AXIN1: variants seen among roughly 807,000 people sequenced by gnomAD.
The protein encoded by AXIN1 is axin 1.
Under a neutral mutation model 76.4 loss-of-function variants are expected in AXIN1, and 30 were observed. The ratio of observed to expected loss-of-function variants is 0.39; its 90% CI spans 0.29 to 0.53. The LOEUF is 0.53. AXIN1 is among the 20% of genes least tolerant of loss of function. AXIN1 has a pLI of 0.66. For missense variants in AXIN1, 1,140 were observed against 1,198.8 expected (o/e 0.95, Z 0.72); for synonymous variants, 545 against 501.4 (o/e 1.09, Z -1.16).
intron 2 of AXIN1, among the ~76,000 whole-genome samples, chr16:326,368 A>ATATATATATATAT (rs1555483785): frequency 2.2e-5 from 2 of 90,430 alleles, no homozygotes; most frequent in Non-Finnish European, 2.1e-5. Context: ...AAAAAAAAAA[A>ATATATATATATAT]AAAAATATAT....
chr16:345,138 G>T lies in AXIN1; in HGVS notation c.878+1010C>A, dbSNP rs535716365. On this transcript the variant is annotated intron_variant, in intron 2 of 10. Transcript: ENST00000262320. ...TCCAGGAACCACGCAGGGATCACAG[G>T]GAAGGAAGAACGAAGAAACAGGTTC... Among the ~76,000 whole-genome samples, 12 of 152,010 alleles carry T rather than the reference G, an allele frequency of 7.9e-5. No individual in the cohort carries two copies. In the South Asian group the frequency reaches 2.5e-3, roughly 31 times the overall value.
intron 2 of AXIN1, among the ~76,000 whole-genome samples, chr16:324,504 C>A (rs919355404): frequency 1.3e-5 from 2 of 152,214 alleles, no homozygotes; most frequent in African/African-American, 4.8e-5. Context: ...ACCAACCCGC[C>A]CAGTGTCCCG....
chr16:308,494 C>A (rs1050945641), intron 4 of AXIN1, among the ~76,000 whole-genome samples: 10 of 152,254 alleles, frequency 6.6e-5, no homozygotes, highest in Non-Finnish European at 1.3e-4. Context: ...CTCCCGCGGG[C>A]CTCAGCCCAC....
At chr16:322,911 G>A (rs552803579) in intron 2 of AXIN1, among the ~76,000 whole-genome samples, 2 of 152,354 alleles carry the variant, frequency 1.3e-5, no homozygotes, top group African/African-American at 4.8e-5. Context: ...GCTCTGGTCT[G>A]CAGTCATGTC....
chr16:322,247 G>C (rs2053475442), intron 2 of AXIN1, among the ~76,000 whole-genome samples: 1 of 152,202 alleles, frequency 6.6e-6, no homozygotes, highest in Non-Finnish European at 1.5e-5. Flanking sequence ...TCCAGGAGGA[G>C]GTGACCGAGG....
intron 3 of AXIN1, among the ~76,000 whole-genome samples, chr16:313,611 T>C (rs2053233070): frequency 6.6e-6 from 1 of 152,148 alleles, no homozygotes; most frequent in African/African-American, 2.4e-5. Context: ...GCCCCAGCCC[T>C]GGCTAGGATG....
chr16:316,313 A>G (rs184263963), intron 2 of AXIN1, among the ~76,000 whole-genome samples: 72 of 152,372 alleles, frequency 4.7e-4, no homozygotes, highest in Non-Finnish European at 9.4e-4. Context: ...ATCAAAATGG[A>G]GATACAGCTG....
Position 352,662 on chromosome 16 carries a change from A to G in AXIN1, c.-375T>C, listed in dbSNP as rs1486035148. The G allele has an allele frequency of 1.3e-5, 2 of 156,130 alleles. No individual in the cohort carries two copies. Among genetic ancestry groups the G allele is most frequent in the Non-Finnish European group, 2.8e-5 (2 of 71,176 alleles). 9.7% of individuals were successfully genotyped at this position (156,130 alleles called of 1,614,324 possible). A position where few individuals can be genotyped will look rare whatever the true frequency, so the allele number is the denominator to read the frequency against. On this transcript the variant is annotated 5_prime_UTR_variant, in exon 1 of 11. Coordinates refer to ENST00000262320, the MANE Select transcript of AXIN1 (RefSeq NM_003502.4). ...AGCGGCCACGATCGCCTCCCGAGCC[A>G]GAGCCCGAGCCAGAGCGCCGAAGCC...
intron 2 of AXIN1, among the ~76,000 whole-genome samples, chr16:324,734 G>A (rs2053540873): frequency 1.3e-5 from 2 of 152,124 alleles, no homozygotes; most frequent in Non-Finnish European, 2.9e-5. Context: ...CCTCAGACAC[G>A]GCCAGTGCCA....
intron 2 of AXIN1, among the ~76,000 whole-genome samples, chr16:336,359 G>A (rs1170951276): frequency 6.6e-6 from 1 of 152,252 alleles, no homozygotes; most frequent in African/African-American, 2.4e-5. Context: ...GTGGACACAA[G>A]ATAGCAGTGA....
intron 1 of AXIN1, among the ~76,000 whole-genome samples, chr16:350,544 T>C (rs547135085): frequency 1.3e-5 from 2 of 152,334 alleles, no homozygotes; most frequent in Admixed American, 6.5e-5. Context: ...GTATTTATTT[T>C]ACCCAAACGT....
intron 2 of AXIN1, among the ~76,000 whole-genome samples, chr16:342,372 C>T (rs1052317822): frequency 1.3e-5 from 2 of 152,218 alleles, no homozygotes; most frequent in East Asian, 3.8e-4. Flanking sequence ...AGACCAAGAA[C>T]CCACCAATTC....
At chr16:318,355 G>C (rs1039506445) in intron 2 of AXIN1, among the ~76,000 whole-genome samples, 1 of 152,186 alleles carries the variant, frequency 6.6e-6, no homozygotes, top group Non-Finnish European at 1.5e-5. Context: ...AAGCACCAAG[G>C]TCAGGCAGCA....
At chr16:324,065 G>A (rs2053524911) in intron 2 of AXIN1, among the ~76,000 whole-genome samples, 1 of 152,158 alleles carries the variant, frequency 6.6e-6, no homozygotes, top group Admixed American at 6.5e-5. Flanking sequence ...GCAGACCATG[G>A]GGAGCCCAGT....
chr16:333,804 A>G (rs906723033), intron 2 of AXIN1, among the ~76,000 whole-genome samples: 2 of 151,796 alleles, frequency 1.3e-5, no homozygotes, highest in Non-Finnish European at 2.9e-5. Flanking sequence ...ACACAGCACG[A>G]GGTACCACAG....
At chr16:291,160 G>T (rs894092998) in intron 9 of AXIN1, 30 bp downstream of exon 9, 1 of 1,553,522 alleles carries the variant, frequency 6.4e-7, no homozygotes, top group East Asian at 2.4e-5. Context: ...GGGGTGGGCA[G>T]GACCGGGAGG....
chr16:338,634 C>T (rs932528820), intron 2 of AXIN1, among the ~76,000 whole-genome samples: 2 of 152,218 alleles, frequency 1.3e-5, no homozygotes, highest in African/African-American at 4.8e-5. Flanking sequence ...CATAAAAATA[C>T]AAGATGGACT....
rs948744247 is a variant in AXIN1 at position 336,267 on chromosome 16, G to C, written c.878+9881C>G. ...GAAAATGATTGACCCACTTGGCTCA[G>C]AAGTGAAAGCACCATGCCCTGGTGC... On this transcript the variant is annotated intron_variant, in intron 2 of 10. Coordinates refer to ENST00000262320, the MANE Select transcript of AXIN1 (RefSeq NM_003502.4). Among the ~76,000 whole-genome samples, 18 of 152,338 alleles carry C rather than the reference G, an allele frequency of 1.2e-4. No individual in the cohort carries two copies. In the East Asian group the frequency reaches 1.9e-3, roughly 16 times the overall value.
chr16:351,489 T>A (rs1422606989), intron 1 of AXIN1, among the ~76,000 whole-genome samples: 3 of 151,846 alleles, frequency 2.0e-5, no homozygotes, highest in Non-Finnish European at 4.4e-5. Context: ...GCATGCCTGT[T>A]ATCCCAGCTA....
Sources: gnomAD v4.1 joint callset for allele counts (sites outside exome capture counted in the v4.1 genomes callset) on GRCh38, gnomAD v4.1.1 for gene constraint, MANE v1.5 for transcripts, NCBI Gene and HGNC (gene_info 2026-07-23, HGNC 2026-07-21) for gene names.